The following ACACA variants were observed in gnomAD, a reference collection of about 807,000 sequenced individuals.
ACACA encodes the protein acetyl-CoA carboxylase alpha.
A neutral mutation model predicts 296.1 loss-of-function variants in ACACA; 103 were observed. The ratio of observed to expected loss-of-function variants is 0.35; its 90% confidence interval spans 0.30 to 0.41. The LOEUF is 0.41. Ranked by LOEUF, ACACA falls within the 10% of genes least tolerant of loss-of-function variation. The pLI is 1.00. For missense variants in ACACA, 1,554 were observed against 2,989.7 expected, an observed-to-expected ratio of 0.52 and a Z score of 11.20; for synonymous variants, 953 against 1,038.6, an observed-to-expected ratio of 0.92 and a Z score of 1.58.
At chr17:37,119,091 CAGGTCTCAACAAAA>C (rs894872477) in intron 50 of ACACA, among the ~76,000 whole-genome samples, 2 of 152,134 alleles carry the variant, frequency 1.3e-5, no homozygotes, top group African/African-American at 4.8e-5. Flanking sequence ...CATTCTCTCC[CAGGTCTCAACAAAA>C]ATATTAGAGC....
intron 52 of ACACA, among the ~76,000 whole-genome samples, chr17:37,109,036 C>T (rs979522823): frequency 1.3e-5 from 2 of 152,128 alleles, no homozygotes; most frequent in Non-Finnish European, 2.9e-5. Context: ...CTCAATTTCC[C>T]AGTCTGAAAA....
At chr17:37,168,246 C>T (rs1187108456) in intron 41 of ACACA, among the ~76,000 whole-genome samples, 1 of 152,076 alleles carries the variant, frequency 6.6e-6, no homozygotes, top group Non-Finnish European at 1.5e-5. Context: ...GTATGAATGA[C>T]AACTTCATCA....
chr17:37,195,667 T>G (rs2077963297), intron 35 of ACACA, among the ~76,000 whole-genome samples: 1 of 152,108 alleles, frequency 6.6e-6, no homozygotes, highest in Non-Finnish European at 1.5e-5. Flanking sequence ...GACATGGAAG[T>G]CTGAAGACTC....
At chr17:37,398,919 CATT>C (rs1264665884) in intron 1 of ACACA, among the ~76,000 whole-genome samples, 1 of 148,222 alleles carries the variant, frequency 6.7e-6, no homozygotes, top group Non-Finnish European at 1.5e-5. Flanking sequence ...ATGAATTAGA[CATT>C]ATTATTTTCA....
At chr17:37,397,950 G>A (rs992402324) in intron 1 of ACACA, among the ~76,000 whole-genome samples, 2 of 152,042 alleles carry the variant, frequency 1.3e-5, no homozygotes, top group African/African-American at 4.8e-5. Flanking sequence ...TAAAATGGGG[G>A]CTGGGCGCGG....
chr17:37,093,672 A>T (rs1224274760), intron 54 of ACACA, among the ~76,000 whole-genome samples: 4 of 152,012 alleles, frequency 2.6e-5, no homozygotes, highest in African/African-American at 9.7e-5. Context: ...AAATTTTAAA[A>T]TTTTTTGTGA....
At chr17:37,247,782 G>A (rs1317039283) in intron 18 of ACACA, 3 of 594,878 alleles carry the variant, frequency 5.0e-6, no homozygotes, top group East Asian at 2.9e-5. Flanking sequence ...CTTATAAAAA[G>A]GGGAACTTAT....
intron 41 of ACACA, among the ~76,000 whole-genome samples, chr17:37,168,872 T>A (rs1428910785): frequency 1.3e-5 from 2 of 152,222 alleles, no homozygotes; most frequent in African/African-American, 2.4e-5. Flanking sequence ...AATACATATT[T>A]ATATTTTTAA....
chr17:37,101,193 T>G (rs1224959770), intron 52 of ACACA, among the ~76,000 whole-genome samples: 2 of 152,002 alleles, frequency 1.3e-5, no homozygotes, highest in African/African-American at 2.4e-5. Flanking sequence ...TGTACACATG[T>G]GAATATGCAG....
chr17:37,125,373 G>A (rs529856752), intron 48 of ACACA, among the ~76,000 whole-genome samples: 1 of 152,194 alleles, frequency 6.6e-6, no homozygotes, highest in South Asian at 2.1e-4. Flanking sequence ...AAAGAAAATT[G>A]TCTTTGGGAG....
At chr17:37,299,447 T>C in intron 3 of ACACA, 3 of 1,584,236 alleles carry the variant, frequency 1.9e-6, no homozygotes, top group Middle Eastern at 1.9e-4. Flanking sequence ...AGAGATACTG[T>C]GCCTTCTGCC....
intron 50 of ACACA, among the ~76,000 whole-genome samples, chr17:37,119,185 G>GC (rs1303218699): frequency 1.3e-5 from 2 of 151,970 alleles, no homozygotes; most frequent in Non-Finnish European, 1.5e-5. Flanking sequence ...GGGTTTTCAG[G>GC]CCCCCCTTCC....
At chr17:37,130,272 G>T in intron 45 of ACACA, 54 bp from the exon 46 acceptor site, 4 of 1,605,738 alleles carry the variant, frequency 2.5e-6, no homozygotes, top group Non-Finnish European at 3.4e-6. Flanking sequence ...TAAAGGCATG[G>T]TCGATTTCAC....
intron 25 of ACACA, among the ~76,000 whole-genome samples, chr17:37,231,697 T>C (rs972068585): frequency 6.6e-6 from 1 of 152,168 alleles, no homozygotes; most frequent in Admixed American, 6.5e-5. Flanking sequence ...GTATCAAAAA[T>C]AAGTTACAAG....
At chr17:37,189,622 G>C (rs1189748422) in intron 38 of ACACA, among the ~76,000 whole-genome samples, 1 of 152,036 alleles carries the variant, frequency 6.6e-6, no homozygotes, top group African/African-American at 2.4e-5. Context: ...AGGCTGATCT[G>C]AAAAACTCAG....
intron 29 of ACACA, among the ~76,000 whole-genome samples, chr17:37,216,603 G>T (rs1252784504): frequency 6.6e-6 from 1 of 151,692 alleles, no homozygotes; most frequent in Non-Finnish European, 1.5e-5. Flanking sequence ...ACCGCAACAT[G>T]TCAAACAATG....
intron 1 of ACACA, among the ~76,000 whole-genome samples, chr17:37,394,886 C>T (rs1209866175): frequency 6.6e-6 from 1 of 150,442 alleles, no homozygotes; most frequent in Non-Finnish European, 1.5e-5. Flanking sequence ...GAGACTCTGT[C>T]TCAAAAAATA....
At chr17:37,316,298 T>TACACACAC (rs1376843680) in intron 3 of ACACA, among the ~76,000 whole-genome samples, 2 of 95,700 alleles carry the variant, frequency 2.1e-5, no homozygotes, top group African/African-American at 1.2e-4. Context: ...GCTCTACCCT[T>TACACACAC]ACATACACAC....
rs546057490 is a variant in ACACA, at chr17:37,259,211, C to T, written c.1500+149G>A. On this transcript the variant is annotated intron_variant, in intron 12 of 55. Transcript: ENST00000616317. ...ACTACATCAGGAAAACCAAACCACA[C>T]ATGCATAACACATACAGGGTGAAAG... 29 of 914,524 alleles carry T rather than the reference C, an allele frequency of 3.2e-5. No homozygotes were observed. In the South Asian group the frequency reaches 3.6e-4, roughly 12 times the overall value. The allele number at this position is 914,524 out of a possible 1,614,324, so 56.7% of individuals were successfully genotyped here. A position where few individuals can be genotyped will look rare whatever the true frequency, so the allele number is the denominator to read the frequency against.
Sources: allele counts gnomAD v4.1 joint callset (sites outside exome capture counted in the v4.1 genomes callset), GRCh38; gene constraint gnomAD v4.1.1; transcripts MANE v1.5; gene names NCBI Gene and HGNC (gene_info 2026-07-23, HGNC 2026-07-21).